Variants in PIK3C2G observed in about 807,000 individuals in gnomAD.
PIK3C2G encodes the protein phosphatidylinositol 3-kinase C2 domain-containing subunit gamma.
A neutral mutation model predicts 181.1 loss-of-function variants in PIK3C2G; 168 were observed. The ratio of observed to expected loss-of-function variants is 0.93; its 90% CI spans 0.82 to 1.05. PIK3C2G has a LOEUF of 1.05. Among genes scored for constraint, PIK3C2G ranks in the 50% least tolerant of loss-of-function variants. The probability of loss-of-function intolerance (pLI) is 0.00; values close to 1 mark genes in which losing one functional copy is unlikely to be tolerated. For synonymous variants in PIK3C2G, 573 were observed against 592.2 expected (o/e 0.97, Z 0.47); for missense variants, 1,869 against 1,732.8 (o/e 1.08, Z -1.40).
rs910286873 is a variant in PIK3C2G at position 18,594,640 on chromosome 12, A to T, written c.4087+71A>T. ...ATTGGACAAAAAGATATCACAACTA[A>T]TTTTTTTCAATTTTTCAATTAAAAT... On this transcript the variant is annotated intron_variant, in intron 30 of 32. Coordinates refer to ENST00000538779, the MANE Select transcript of PIK3C2G (RefSeq NM_001288772.2). 7 of 744,584 alleles carry T rather than the reference A, an allele frequency of 9.4e-6. No individual in the cohort carries two copies. In the Admixed American group the frequency reaches 2.0e-4, roughly 21 times the overall value. The allele number at this position is 744,584 out of a possible 1,614,324, so 46.1% of individuals were successfully genotyped here.
chr12:18,609,731 C>T (rs1418783574), intron 31 of PIK3C2G, 102 bp downstream of exon 31: 2 of 669,622 alleles, frequency 3.0e-6, no homozygotes, highest in Non-Finnish European at 5.2e-6. Context: ...GAATGGGTAT[C>T]TCCGCCAAGT....
intron 13 of PIK3C2G, among the ~76,000 whole-genome samples, chr12:18,378,023 T>C (rs538453213): frequency 6.6e-6 from 1 of 152,288 alleles, no homozygotes; most frequent in African/African-American, 2.4e-5. Context: ...CATTTGTTGA[T>C]ACATTGCCCC....
chr12:18,377,668 G>A (rs1253643791), intron 13 of PIK3C2G, among the ~76,000 whole-genome samples: 1 of 152,074 alleles, frequency 6.6e-6, no homozygotes, highest in Admixed American at 6.6e-5. Flanking sequence ...CATAAACTCT[G>A]GTGTTCTTTC....
At chr12:18,271,618 T>G (rs925782656) in intron 1 of PIK3C2G, among the ~76,000 whole-genome samples, 3 of 152,148 alleles carry the variant, frequency 2.0e-5, no homozygotes, top group African/African-American at 7.2e-5. Flanking sequence ...ATTATTTTTC[T>G]CCTACCTCTC....
intron 30 of PIK3C2G, among the ~76,000 whole-genome samples, chr12:18,606,327 A>T (rs527726080): frequency 6.6e-5 from 10 of 152,246 alleles, no homozygotes; most frequent in South Asian, 4.1e-4. Flanking sequence ...CCACTCTTTA[A>T]TTCAAATATA....
the PIK3C2G span, among the ~76,000 whole-genome samples, chr12:18,688,539 A>C: frequency 1.3e-5 from 2 of 151,302 alleles, no homozygotes; most frequent in South Asian, 4.2e-4. Context: ...CTGATAACGT[A>C]CTGTTTTTGA....
At chr12:18,707,909 A>T in the PIK3C2G span, among the ~76,000 whole-genome samples, 1,894 of 152,330 alleles carry the variant, frequency 0.012, 12 homozygotes, top group Non-Finnish European at 0.018. Context: ...GGTATACAAC[A>T]TGATGTTATG....
chr12:18,389,058 A>G (rs1943366527), intron 14 of PIK3C2G, among the ~76,000 whole-genome samples: 1 of 152,180 alleles, frequency 6.6e-6, no homozygotes, highest in South Asian at 2.1e-4. Context: ...CGTTCCTTTC[A>G]AAAGAAATTT....
intron 16 of PIK3C2G, among the ~76,000 whole-genome samples, chr12:18,418,031 T>C (rs944306240): frequency 2.6e-5 from 4 of 152,200 alleles, no homozygotes; most frequent in Admixed American, 2.0e-4. Context: ...TTGTAATTAT[T>C]ATCATCATGA....
At chr12:18,331,685 CT>C (rs1937987961) in intron 8 of PIK3C2G, among the ~76,000 whole-genome samples, 1 of 152,056 alleles carries the variant, frequency 6.6e-6, no homozygotes, top group African/African-American at 2.4e-5. Flanking sequence ...CTTACTGAGT[CT>C]CCAATAGGAT....
intron 26 of PIK3C2G, among the ~76,000 whole-genome samples, chr12:18,547,671 A>AACAAAACAAAAAAT (rs1944505125): frequency 6.6e-6 from 1 of 151,956 alleles, no homozygotes. Flanking sequence ...AAACAAAAAA[A>AACAAAACAAAAAAT]ACCCTGCCTT....
At chr12:18,335,449 C>T (rs1218398287) in intron 8 of PIK3C2G, among the ~76,000 whole-genome samples, 1 of 151,902 alleles carries the variant, frequency 6.6e-6, no homozygotes, top group Non-Finnish European at 1.5e-5. Context: ...TTTATATGAA[C>T]ATGTGGGGAG....
intron 14 of PIK3C2G, among the ~76,000 whole-genome samples, chr12:18,383,145 G>T (rs774576601): frequency 6.6e-6 from 1 of 152,028 alleles, no homozygotes; most frequent in Non-Finnish European, 1.5e-5. Flanking sequence ...TCACAAACCC[G>T]GTAAACATAT....
intron 18 of PIK3C2G, among the ~76,000 whole-genome samples, chr12:18,465,641 G>A (rs957661619): frequency 2.0e-5 from 3 of 151,760 alleles, no homozygotes; most frequent in Non-Finnish European, 4.4e-5. Flanking sequence ...GACTTCAACT[G>A]TTGCTGTTGA....
chr12:18,649,577 T>G (rs1053201999), downstream of PIK3C2G, among the ~76,000 whole-genome samples: 2 of 152,228 alleles, frequency 1.3e-5, no homozygotes, highest in East Asian at 3.9e-4. Context: ...GCAGCAAAAC[T>G]CTTCAAAATG....
intron 16 of PIK3C2G, among the ~76,000 whole-genome samples, chr12:18,402,523 G>A (rs980404908): frequency 1.5e-4 from 23 of 152,086 alleles, no homozygotes; most frequent in Admixed American, 5.2e-4. Context: ...TTTCAATATC[G>A]TGGTAAAGGT....
intron 29 of PIK3C2G, among the ~76,000 whole-genome samples, chr12:18,579,173 A>C (rs1464683143): frequency 6.6e-6 from 1 of 152,178 alleles, no homozygotes; most frequent in Non-Finnish European, 1.5e-5. Flanking sequence ...GAAATTAGAG[A>C]GATTAAAAAT....
At chr12:18,455,206 T>C (rs1459248556) in intron 18 of PIK3C2G, among the ~76,000 whole-genome samples, 1 of 152,144 alleles carries the variant, frequency 6.6e-6, no homozygotes, top group East Asian at 1.9e-4. Context: ...TTTGTCATAA[T>C]CTATTGGCTA....
chr12:18,588,443 A>G (rs188126769), intron 29 of PIK3C2G, among the ~76,000 whole-genome samples: 1 of 152,186 alleles, frequency 6.6e-6, no homozygotes, highest in African/African-American at 2.4e-5. Context: ...GGACATGAAC[A>G]GACACTTTTC....
Sources: allele counts gnomAD v4.1 joint callset (sites outside exome capture counted in the v4.1 genomes callset), GRCh38; gene constraint gnomAD v4.1.1; transcripts MANE v1.5; gene names NCBI Gene and HGNC (gene_info 2026-07-23, HGNC 2026-07-21).